The following SLC4A4 variants were observed in gnomAD, a reference collection of about 807,000 sequenced individuals.
SLC4A4 encodes the protein electrogenic sodium bicarbonate cotransporter 1.
SLC4A4 carries 27 observed loss-of-function variants against 111.5 expected under a neutral mutation model. The ratio of observed to expected loss-of-function variants is 0.24; its 90% CI spans 0.18 to 0.33. SLC4A4 has a LOEUF of 0.33. SLC4A4 is among the 10% of genes least tolerant of loss of function. The pLI, the probability that SLC4A4 is intolerant of heterozygous loss-of-function variation, is 1.00. For synonymous variants in SLC4A4, 443 were observed against 463.4 expected (o/e 0.96, Z 0.57); for missense variants, 909 against 1,315.5 (o/e 0.69, Z 4.78).
At chr4:71,462,203 C>A (rs1726895269) in intron 12 of SLC4A4, among the ~76,000 whole-genome samples, 1 of 152,146 alleles carries the variant, frequency 6.6e-6, no homozygotes, top group African/African-American at 2.4e-5. Flanking sequence ...CTGTTCTTAG[C>A]TCTTTACATA....
At chr4:71,077,955 A>G (rs977994612) in intron 1 of SLC4A4, among the ~76,000 whole-genome samples, 8 of 152,326 alleles carry the variant, frequency 5.3e-5, no homozygotes, top group African/African-American at 1.9e-4. Context: ...ATGAAAACAT[A>G]TTTATTTAAT....
At chr4:71,420,794 T>C (rs1722378177) in intron 7 of SLC4A4, among the ~76,000 whole-genome samples, 1 of 144,692 alleles carries the variant, frequency 6.9e-6, no homozygotes, top group African/African-American at 2.5e-5. Flanking sequence ...CTGAGAGATT[T>C]TGTCACCACC....
chr4:71,476,703 T>C (rs1728403539), intron 14 of SLC4A4, among the ~76,000 whole-genome samples: 1 of 151,718 alleles, frequency 6.6e-6, no homozygotes, highest in East Asian at 2.0e-4. Context: ...CTAAATGCAC[T>C]TTTTTCTCCA....
chr4:71,163,773 G>A (rs1330547934), intron 2 of SLC4A4, among the ~76,000 whole-genome samples: 4 of 152,148 alleles, frequency 2.6e-5, no homozygotes, highest in Non-Finnish European at 5.9e-5. Context: ...TCACAACAGT[G>A]GCAGAACTGA....
At chr4:71,361,307 C>T (rs1730763345) in intron 6 of SLC4A4, among the ~76,000 whole-genome samples, 1 of 152,188 alleles carries the variant, frequency 6.6e-6, no homozygotes, top group African/African-American at 2.4e-5. Flanking sequence ...TAAAGACTAA[C>T]TCTCGTCTTT....
chr4:71,295,489 C>T (rs1179444021), intron 3 of SLC4A4, among the ~76,000 whole-genome samples: 1 of 152,192 alleles, frequency 6.6e-6, no homozygotes, highest in Non-Finnish European at 1.5e-5. Flanking sequence ...AATTCCTTTT[C>T]ATAATTCTTC....
intron 14 of SLC4A4, among the ~76,000 whole-genome samples, chr4:71,480,282 A>G (rs1728755425): frequency 1.3e-5 from 2 of 151,616 alleles, no homozygotes; most frequent in Non-Finnish European, 3.0e-5. Context: ...TGTAGATTAA[A>G]GAGTATACAA....
rs1717639932 is a variant in SLC4A4, at chr4:71,204,650, G to C, written c.-2+17249G>C. On this transcript the variant is annotated intron_variant, in intron 1 of 25. Transcript: ENST00000264485. Reference sequence around the variant, plus strand: ...AGTAAATACAGCATGCAGAAAACCTGGTGGAACTAGGAGGGATAAAGATAA... The same window carrying C: ...AGTAAATACAGCATGCAGAAAACCTCGTGGAACTAGGAGGGATAAAGATAA... Among the ~76,000 whole-genome samples, 3 of 151,950 alleles carry C rather than the reference G, an allele frequency of 2.0e-5. No homozygotes were observed. The South Asian group carries it at 6.2e-4, about 32-fold the overall frequency.
intron 6 of SLC4A4, among the ~76,000 whole-genome samples, chr4:71,378,590 T>C (rs1457951082): frequency 6.6e-6 from 1 of 152,180 alleles, no homozygotes; most frequent in Non-Finnish European, 1.5e-5. Flanking sequence ...TGGAGACAGC[T>C]CAAGCGCTAA....
chr4:71,424,732 A>G (rs1257527904), intron 7 of SLC4A4, among the ~76,000 whole-genome samples: 9 of 152,260 alleles, frequency 5.9e-5, no homozygotes, highest in Non-Finnish European at 1.5e-5. Flanking sequence ...TCAGTAAACT[A>G]TCGCAAGAAC....
intron 14 of SLC4A4, chr4:71,473,339 A>G (rs941599615): frequency 7.4e-6 from 4 of 537,228 alleles, no homozygotes; most frequent in African/African-American, 3.8e-5. Flanking sequence ...CTGCTTCTTT[A>G]TTGGTGTAGG....
intron 3 of SLC4A4, among the ~76,000 whole-genome samples, chr4:71,290,507 T>C (rs147452350): frequency 2.0e-5 from 3 of 152,268 alleles, no homozygotes; most frequent in African/African-American, 7.2e-5. Context: ...GGAAAGGTCT[T>C]TGGAGACTTA....
At chr4:71,225,691 T>C (rs139055915) in intron 1 of SLC4A4, among the ~76,000 whole-genome samples, 1 of 152,016 alleles carries the variant, frequency 6.6e-6, no homozygotes, top group African/African-American at 2.4e-5. Flanking sequence ...GTGTCAGAGG[T>C]GGGTGGGTCA....
intron 1 of SLC4A4, among the ~76,000 whole-genome samples, chr4:71,089,380 G>A (rs968590637): frequency 3.3e-5 from 5 of 151,950 alleles, no homozygotes; most frequent in African/African-American, 1.2e-4. Flanking sequence ...ATTGTCTGAA[G>A]CCTTCTTCTC....
intron 2 of SLC4A4, among the ~76,000 whole-genome samples, chr4:71,165,347 T>A (rs1744715777): frequency 6.6e-6 from 1 of 152,182 alleles, no homozygotes. Flanking sequence ...ATGTGGCACA[T>A]ATACACCATG....
intron 2 of SLC4A4, among the ~76,000 whole-genome samples, chr4:71,134,155 C>T (rs1464160509): frequency 5.3e-5 from 8 of 152,126 alleles, no homozygotes; most frequent in South Asian, 2.1e-4. Flanking sequence ...TATGAATTAA[C>T]GTGGTTATAT....
chr4:71,374,116 C>T (rs181083257), intron 6 of SLC4A4, among the ~76,000 whole-genome samples: 55 of 152,156 alleles, frequency 3.6e-4, no homozygotes, highest in Admixed American at 1.8e-3. Context: ...TTTTTTTCTC[C>T]TAAACTTTCT....
chr4:71,066,483 A>G lies in SLC4A4; in HGVS notation c.-65+3695A>G, dbSNP rs372370469. Reference sequence around the variant, plus strand: ...CTCATTCTAAAGGATTTAAAGGTGTAGCCCTTTACAAAAATCCCTGAGATG... The same window carrying G: ...CTCATTCTAAAGGATTTAAAGGTGTGGCCCTTTACAAAAATCCCTGAGATG... On this transcript the variant is annotated intron_variant, in intron 1 of 26. Coordinates refer to the SLC4A4 transcript ENST00000649996. 3.9e-4 allele frequency among the ~76,000 whole-genome samples: 59 copies of G among 152,336 alleles called. 1 individual carries two copies. In the East Asian group the frequency reaches 0.011, roughly 29 times the overall value.
intron 3 of SLC4A4, among the ~76,000 whole-genome samples, chr4:71,293,894 G>A (rs1424687678): frequency 6.6e-6 from 1 of 152,216 alleles, no homozygotes; most frequent in African/African-American, 2.4e-5. Flanking sequence ...CACTGTGTGA[G>A]CTGTCATCTC....
Sources: gnomAD v4.1 joint callset for allele counts (sites outside exome capture counted in the v4.1 genomes callset) on GRCh38, gnomAD v4.1.1 for gene constraint, MANE v1.5 for transcripts, NCBI Gene and HGNC (gene_info 2026-07-23, HGNC 2026-07-21) for gene names.